Variants in ZC4H2 observed in about 807,000 individuals in gnomAD.
The protein encoded by ZC4H2 is zinc finger C4H2 domain-containing protein.
For synonymous variants in ZC4H2, 84 were observed against 66.3 expected (o/e 1.27, Z -1.30); for missense variants, 137 against 173.9 (o/e 0.79, Z 1.19).
At chrX:64,988,161 T>C (rs752860670) in intron 1 of ZC4H2, among the ~76,000 whole-genome samples, 30 of 110,217 alleles carry the variant, frequency 2.7e-4, no homozygotes, top group Non-Finnish European at 4.7e-4. Flanking sequence ...TGGTTCCAAG[T>C]CTTTGCTATT....
intron 1 of ZC4H2, among the ~76,000 whole-genome samples, chrX:64,938,244 G>A (rs959920098): frequency 8.1e-5 from 9 of 111,608 alleles, no homozygotes; most frequent in African/African-American, 9.8e-5. Flanking sequence ...GGAAGAAGTC[G>A]AATCTCTGAA....
chrX:64,922,437 C>T (rs1280848612), intron 1 of ZC4H2, among the ~76,000 whole-genome samples: 2 of 111,601 alleles, frequency 1.8e-5, no homozygotes, highest in Non-Finnish European at 3.8e-5. Flanking sequence ...AGAGCAAGAC[C>T]TTGTCTCAAG....
chrX:64,921,844 G>A lies in ZC4H2; in HGVS notation c.198C>T (p.Leu66=). Reference sequence around the variant, plus strand: ...CATTGATGTCAGCGTGGATCAGTCGGAGTTCCTCCACATGGGCCATCTTCT... The same window carrying A: ...CATTGATGTCAGCGTGGATCAGTCGAAGTTCCTCCACATGGGCCATCTTCT... ...LQEKMAHVEE[L]RLIHADINVM... is the part of the protein sequence containing the mutation. The change falls in exon 2 of 5, where the codon CTC becomes CTT. Residue 66 remains leucine, a synonymous_variant. Transcript: ENST00000374839. 1 of 1,210,621 alleles carries A rather than the reference G, an allele frequency of 8.3e-7. No homozygotes were observed. Among genetic ancestry groups the A allele is most frequent in the Non-Finnish European group, 1.1e-6 (1 of 895,291 alleles).
intron 1 of ZC4H2, among the ~76,000 whole-genome samples, chrX:65,004,816 G>A (rs759725443): frequency 1.2e-4 from 13 of 111,954 alleles, no homozygotes; most frequent in African/African-American, 2.3e-4. Context: ...TGACATGATT[G>A]TATATTTAGA....
intron 1 of ZC4H2, among the ~76,000 whole-genome samples, chrX:64,937,372 G>C (rs1473039673): frequency 9.0e-6 from 1 of 111,098 alleles, no homozygotes; most frequent in African/African-American, 3.3e-5. Context: ...ATATTAGACA[G>C]ATCAACGAAA....
chrX:64,993,616 C>T (rs1932352890), intron 1 of ZC4H2, among the ~76,000 whole-genome samples: 2 of 111,633 alleles, frequency 1.8e-5, no homozygotes, highest in South Asian at 7.6e-4. Flanking sequence ...TCTCAGCCTC[C>T]AGAACCACAA....
intron 1 of ZC4H2, among the ~76,000 whole-genome samples, chrX:64,935,321 A>T (rs762361786): frequency 4.7e-4 from 53 of 112,083 alleles, no homozygotes; most frequent in Non-Finnish European, 9.4e-4. Context: ...CAGGAGCCCC[A>T]GTCAGGGACT....
chrX:64,986,510 T>C (rs1356654734), intron 1 of ZC4H2, among the ~76,000 whole-genome samples: 1 of 111,969 alleles, frequency 8.9e-6, no homozygotes, highest in Admixed American at 9.5e-5. Context: ...TGGCAAGCCA[T>C]AGTTCAGGAA....
At chrX:64,946,851 T>C (rs1930559267) in intron 1 of ZC4H2, among the ~76,000 whole-genome samples, 1 of 111,723 alleles carries the variant, frequency 9.0e-6, no homozygotes, top group South Asian at 3.7e-4. Flanking sequence ...TTGATTTCTG[T>C]TCTTACCTTT....
At chrX:64,960,325 GA>G (rs1040562473) in intron 1 of ZC4H2, among the ~76,000 whole-genome samples, 97 of 109,522 alleles carry the variant, frequency 8.9e-4, no homozygotes, top group African/African-American at 3.0e-3. Context: ...TTTTTTTAAT[GA>G]AAAAAAGGGG....
At chrX:64,957,677 T>C (rs920472890) in intron 1 of ZC4H2, among the ~76,000 whole-genome samples, 6 of 109,033 alleles carry the variant, frequency 5.5e-5, no homozygotes, top group African/African-American at 1.3e-4. Flanking sequence ...CTAGGCAACA[T>C]AGGAAGACCC....
chrX:64,978,607 T>G (rs1411923399), upstream of ZC4H2, among the ~76,000 whole-genome samples: 1 of 111,742 alleles, frequency 8.9e-6, no homozygotes, highest in Non-Finnish European at 1.9e-5. Context: ...TTCATCCCCT[T>G]TTAGAAGGAA....
At chrX:64,950,393 T>A (rs889347591) in intron 1 of ZC4H2, among the ~76,000 whole-genome samples, 1 of 111,575 alleles carries the variant, frequency 9.0e-6, no homozygotes, top group Non-Finnish European at 1.9e-5. Context: ...GTTCAATTCC[T>A]GGATATCCTT....
intron 1 of ZC4H2, among the ~76,000 whole-genome samples, chrX:64,931,999 G>A (rs903595587): frequency 9.0e-6 from 1 of 111,457 alleles, no homozygotes. Flanking sequence ...CATTTCTTAT[G>A]TCTAGTACCA....
intron 1 of ZC4H2, among the ~76,000 whole-genome samples, chrX:65,011,683 G>A (rs1932756046): frequency 9.1e-6 from 1 of 110,423 alleles, no homozygotes; most frequent in South Asian, 3.9e-4. Flanking sequence ...GTCAGATGCA[G>A]GGGATAAAGT....
At chrX:64,925,559 A>G (rs1244380745) in intron 1 of ZC4H2, among the ~76,000 whole-genome samples, 1 of 112,048 alleles carries the variant, frequency 8.9e-6, no homozygotes, top group Non-Finnish European at 1.9e-5. Flanking sequence ...GTAAGAGGGT[A>G]TCTCCCATTG....
chrX:65,027,791 G>A (rs370814429), intron 1 of ZC4H2, among the ~76,000 whole-genome samples: 4 of 111,693 alleles, frequency 3.6e-5, no homozygotes, highest in African/African-American at 9.8e-5. Context: ...TCCTTTATTC[G>A]CTATTGAATA....
chrX:64,987,983 T>G (rs927836924), intron 1 of ZC4H2, among the ~76,000 whole-genome samples: 1 of 101,844 alleles, frequency 9.8e-6, no homozygotes, highest in African/African-American at 3.6e-5. Flanking sequence ...GAACATGCAG[T>G]GTTTGGTTTT....
intron 1 of ZC4H2, among the ~76,000 whole-genome samples, chrX:64,950,265 C>T (rs939776230): frequency 9.0e-6 from 1 of 111,606 alleles, no homozygotes; most frequent in African/African-American, 3.3e-5. Flanking sequence ...GCTTTACTTC[C>T]AACTATGTGG....
Sources: gnomAD v4.1 joint callset for allele counts (sites outside exome capture counted in the v4.1 genomes callset) on GRCh38, gnomAD v4.1.1 for gene constraint, MANE v1.5 for transcripts, NCBI Gene and HGNC (gene_info 2026-07-23, HGNC 2026-07-21) for gene names.